The following RUNDC3B variants were observed in gnomAD, a reference collection of about 807,000 sequenced individuals.
RUNDC3B encodes RUN domain-containing protein 3B.
A neutral mutation model predicts 58.4 loss-of-function variants in RUNDC3B; 33 were observed. The ratio of observed to expected loss-of-function variants is 0.56; its 90% CI spans 0.43 to 0.75. The LOEUF is 0.75. RUNDC3B is among the 30% of genes least tolerant of loss of function. RUNDC3B has a pLI of 0.00. For missense variants in RUNDC3B, 501 were observed against 535.7 expected, an observed-to-expected ratio of 0.94 and a Z score of 0.64; for synonymous variants, 193 against 195.2, an observed-to-expected ratio of 0.99 and a Z score of 0.10.
intron 2 of RUNDC3B, among the ~76,000 whole-genome samples, chr7:87,654,922 A>T (rs1823936937): frequency 6.6e-6 from 1 of 152,144 alleles, no homozygotes; most frequent in Non-Finnish European, 1.5e-5. Context: ...CAAATGGCCA[A>T]CAGGTATATA....
chr7:87,686,259 T>C (rs1200004750), intron 2 of RUNDC3B, among the ~76,000 whole-genome samples: 1 of 152,210 alleles, frequency 6.6e-6, no homozygotes, highest in East Asian at 1.9e-4. Context: ...TAATAAGGTA[T>C]GCTTTCACAT....
At chr7:87,634,448 C>T (rs1821539398) in intron 1 of RUNDC3B, among the ~76,000 whole-genome samples, 1 of 146,232 alleles carries the variant, frequency 6.8e-6, no homozygotes, top group Non-Finnish European at 1.5e-5. Context: ...ATGGTGAAAC[C>T]CCGTCTCTAC....
chr7:87,759,995 A>G (rs1388458722), intron 6 of RUNDC3B, among the ~76,000 whole-genome samples: 1 of 151,976 alleles, frequency 6.6e-6, no homozygotes, highest in Non-Finnish European at 1.5e-5. Context: ...GAAAGAAACT[A>G]TAAATAAATA....
intron 10 of RUNDC3B, among the ~76,000 whole-genome samples, chr7:87,820,001 T>C (rs1190437896): frequency 6.6e-6 from 1 of 151,946 alleles, no homozygotes; most frequent in African/African-American, 2.4e-5. Flanking sequence ...AGCAAACACA[T>C]TCAAAAGCTA....
intron 8 of RUNDC3B, among the ~76,000 whole-genome samples, chr7:87,779,683 A>G (rs1193718971): frequency 6.6e-6 from 1 of 152,048 alleles, no homozygotes; most frequent in Non-Finnish European, 1.5e-5. Context: ...TGTTACATGG[A>G]TATGTTACAT....
rs558611145 is a variant in RUNDC3B, at chr7:87,782,359, C to CT, written c.956+4411dup. On this transcript the variant is annotated intron_variant, in intron 8 of 10. Coordinates refer to ENST00000394654, the MANE Select transcript of RUNDC3B (RefSeq NM_001134405.2). ...CATTGTGCTTATTTGGATCTTCTTT[C>CT]TTTTTTTCTTTGATAATAGCTAACA... 3.7e-4 allele frequency among the ~76,000 whole-genome samples: 57 copies of CT among 152,078 alleles called. No homozygotes were observed. In the South Asian group the frequency reaches 7.1e-3, roughly 19 times the overall value.
chr7:87,795,549 C>T (rs976114070), intron 8 of RUNDC3B, among the ~76,000 whole-genome samples: 1 of 151,956 alleles, frequency 6.6e-6, no homozygotes, highest in Non-Finnish European at 1.5e-5. Context: ...ATTAGTACAA[C>T]CACTATGAAG....
chr7:87,708,305 G>T (rs975058879), intron 3 of RUNDC3B, among the ~76,000 whole-genome samples: 8 of 152,088 alleles, frequency 5.3e-5, no homozygotes, highest in Middle Eastern at 3.4e-3. Context: ...ATGAAGAAGA[G>T]GCCAAGTGTG....
chr7:87,746,185 T>C (rs921787354), intron 6 of RUNDC3B, among the ~76,000 whole-genome samples: 16 of 152,334 alleles, frequency 1.1e-4, no homozygotes, highest in Non-Finnish European at 2.1e-4. Flanking sequence ...AATTTCAATT[T>C]TCTTAAATTT....
intron 3 of RUNDC3B, among the ~76,000 whole-genome samples, chr7:87,706,231 G>T (rs1335361311): frequency 6.6e-6 from 1 of 152,088 alleles, no homozygotes; most frequent in East Asian, 1.9e-4. Flanking sequence ...TACAAGATAT[G>T]GCCATGATTA....
intron 4 of RUNDC3B, among the ~76,000 whole-genome samples, chr7:87,710,892 A>G (rs1262401213): frequency 6.6e-6 from 1 of 152,110 alleles, no homozygotes; most frequent in African/African-American, 2.4e-5. Flanking sequence ...TTTCTAAATC[A>G]TTTCTGATTC....
chr7:87,751,389 T>C (rs1384256476), intron 6 of RUNDC3B, among the ~76,000 whole-genome samples: 1 of 152,192 alleles, frequency 6.6e-6, no homozygotes, highest in Non-Finnish European at 1.5e-5. Flanking sequence ...ACATGAACTT[T>C]AAAGTAGTTT....
chr7:87,655,537 G>A (rs1585016272), intron 2 of RUNDC3B, among the ~76,000 whole-genome samples: 1 of 152,254 alleles, frequency 6.6e-6, no homozygotes, highest in East Asian at 1.9e-4. Flanking sequence ...TAGAAGTAGA[G>A]AGTAGAATGG....
At chr7:87,762,087 A>G (rs1021443531) in intron 6 of RUNDC3B, among the ~76,000 whole-genome samples, 52 of 151,594 alleles carry the variant, frequency 3.4e-4, no homozygotes, top group African/African-American at 1.3e-3. Context: ...TTAGTTATGA[A>G]TACTCTGGTT....
intron 9 of RUNDC3B, among the ~76,000 whole-genome samples, chr7:87,810,170 GA>G (rs1352711894): frequency 6.6e-6 from 1 of 152,112 alleles, no homozygotes; most frequent in Non-Finnish European, 1.5e-5. Flanking sequence ...AGTGTTAAAA[GA>G]AAAACTTTAG....
At position 87,681,712 on chromosome 7, in the gene RUNDC3B, A is replaced by G. The variant is rs996238825; in HGVS notation, c.239-18709A>G. On this transcript the variant is annotated intron_variant, in intron 2 of 10. Coordinates refer to ENST00000394654, the MANE Select transcript of RUNDC3B (RefSeq NM_001134405.2). ...GCTGAAGGATGGGGTGGATATGACA[A>G]TGTCTTAAGACAACAATGGGCTGGG... Among the ~76,000 whole-genome samples, 7 of 138,550 alleles carry G rather than the reference A, an allele frequency of 5.1e-5. 2 individuals carry two copies. The highest frequency in any genetic ancestry group is 1.5e-4 in the Admixed American group (2 of 13,670). The allele number at this position is 138,550 out of a possible 152,430, so 90.9% of individuals were successfully genotyped here. A position where few individuals can be genotyped will look rare whatever the true frequency, so the allele number is the denominator to read the frequency against.
intron 6 of RUNDC3B, among the ~76,000 whole-genome samples, chr7:87,743,609 C>T (rs1466706517): frequency 6.6e-6 from 1 of 152,040 alleles, no homozygotes; most frequent in African/African-American, 2.4e-5. Flanking sequence ...ATTTGTATAT[C>T]TTCTTTTGAG....
intron 2 of RUNDC3B, among the ~76,000 whole-genome samples, chr7:87,656,197 G>C (rs1824083260): frequency 6.6e-6 from 1 of 151,822 alleles, no homozygotes; most frequent in African/African-American, 2.4e-5. Flanking sequence ...GCCATTCCAT[G>C]ATATATACAA....
At chr7:87,748,941 G>A (rs541112650) in intron 6 of RUNDC3B, among the ~76,000 whole-genome samples, 27 of 152,248 alleles carry the variant, frequency 1.8e-4, no homozygotes, top group Admixed American at 5.9e-4. Flanking sequence ...TTTTGAGCAG[G>A]CATAAAATTA....
Sources: allele counts gnomAD v4.1 joint callset (sites outside exome capture counted in the v4.1 genomes callset), GRCh38; gene constraint gnomAD v4.1.1; transcripts MANE v1.5; gene names NCBI Gene and HGNC (gene_info 2026-07-23, HGNC 2026-07-21).